Variants in ZNF292 observed in about 807,000 individuals in gnomAD.
ZNF292 encodes zinc finger protein 292, also known as 16 zinc-finger domain protein.
ZNF292 carries 26 observed loss-of-function variants against 217.9 expected under a neutral mutation model. The ratio of observed to expected loss-of-function variants is 0.12; its 90% CI spans 0.09 to 0.17. The LOEUF (loss-of-function observed/expected upper bound fraction) is 0.17. ZNF292 is among the 10% of genes least tolerant of loss of function. ZNF292 has a pLI of 1.00. For missense variants in ZNF292, 2,904 were observed against 3,175.2 expected (o/e 0.91, Z 2.05); for synonymous variants, 1,257 against 1,124.1 (o/e 1.12, Z -2.37).
Position 87,261,849 on chromosome 6 carries a change from G to A in ZNF292, c.*48G>A, listed in dbSNP as rs2127878500. On this transcript the variant is annotated 3_prime_UTR_variant, in exon 8 of 8. Coordinates refer to ENST00000369577, the MANE Select transcript of ZNF292 (RefSeq NM_015021.3). ...TCATTTACCATTTTATTTTAAATAG[G>A]AAGCCATCAAGCATGCTAGAATTGT... is the stretch of plus-strand genomic sequence containing the variant. 1 of 1,285,494 alleles carries A rather than the reference G, an allele frequency of 7.8e-7. No individual in the cohort carries two copies. The highest frequency in any genetic ancestry group is 1.0e-6 in the Non-Finnish European group (1 of 957,176). The allele number at this position is 1,285,494 out of a possible 1,614,324, so 79.6% of individuals were successfully genotyped here. A position where few individuals can be genotyped will look rare whatever the true frequency, so the allele number is the denominator to read the frequency against.
chr6:87,257,778 T>C lies in ZNF292; in HGVS notation c.4149T>C (p.Ala1383=). The C allele has an allele frequency of 1.2e-6, 2 of 1,613,820 alleles. No individual in the cohort carries two copies. The highest frequency in any genetic ancestry group is 8.5e-7 in the Non-Finnish European group (1 of 1,179,804). Residue 1383 remains alanine, a synonymous_variant, in exon 8 of 8, where the codon GCT becomes GCC. Coordinates refer to ENST00000369577, the MANE Select transcript of ZNF292 (RefSeq NM_015021.3). ...GKFICSRCYR[A]FTNPRSLGGH... Reference sequence around the variant, plus strand: ...TTATCTGTAGCAGGTGTTACAGGGCTTTTACTAATCCCAGATCACTGGGTG... The same window carrying C: ...TTATCTGTAGCAGGTGTTACAGGGCCTTTACTAATCCCAGATCACTGGGTG...
rs977730424 is a variant in ZNF292, at chr6:87,190,451, T to G, written c.169-25452T>G. Among the ~76,000 whole-genome samples the G allele has an allele frequency of 5.3e-5, 8 of 152,114 alleles. 1 individual carries two copies. Among genetic ancestry groups the G allele is most frequent in the Non-Finnish European group, 1.0e-4 (7 of 68,006 alleles). On this transcript the variant is annotated intron_variant, in intron 1 of 7. Transcript: ENST00000369577. ...TTAGGCCAGTGAATATGTATTTTCA[T>G]TTTTTATTTTATACTTTTATTTATT...
At chr6:87,195,776 T>G (rs1771937824) in intron 1 of ZNF292, among the ~76,000 whole-genome samples, 1 of 152,062 alleles carries the variant, frequency 6.6e-6, no homozygotes. Flanking sequence ...ATCTGTAATT[T>G]TAGCCCTTTG....
chr6:87,220,611 C>G (rs921199962), intron 4 of ZNF292, among the ~76,000 whole-genome samples: 1 of 152,130 alleles, frequency 6.6e-6, no homozygotes, highest in African/African-American at 2.4e-5. Flanking sequence ...AGCATTTTGC[C>G]AAATTCACAT....
chr6:87,248,998 A>C (rs549597098), intron 7 of ZNF292, among the ~76,000 whole-genome samples: 1 of 152,326 alleles, frequency 6.6e-6, no homozygotes, highest in South Asian at 2.1e-4. Flanking sequence ...TGTTATCACT[A>C]ATAGTTCTGT....
chr6:87,199,900 C>T (rs753107183), intron 1 of ZNF292, among the ~76,000 whole-genome samples: 48 of 152,060 alleles, frequency 3.2e-4, no homozygotes, highest in Non-Finnish European at 1.3e-4. Context: ...GCTGGGTTTC[C>T]TACCATTGTA....
intron 7 of ZNF292, among the ~76,000 whole-genome samples, chr6:87,248,602 A>ATTTC (rs1456110457): frequency 2.6e-5 from 4 of 152,172 alleles, no homozygotes. Flanking sequence ...AAAAACCTGA[A>ATTTC]AGGGGCCAAT....
intron 3 of ZNF292, among the ~76,000 whole-genome samples, chr6:87,217,710 TAAAG>T (rs1271609508): frequency 1.3e-5 from 2 of 152,116 alleles, no homozygotes; most frequent in African/African-American, 2.4e-5. Context: ...TTCAGTTACT[TAAAG>T]AAAACTTAGT....
At position 87,255,804 on chromosome 6, in the gene ZNF292, G is replaced by T. The variant is rs199650035; in HGVS notation, c.2175G>T (p.Gln725His). Residue 725 changes from glutamine (Q) to histidine (H), a missense_variant, in exon 8 of 8, where the codon CAG becomes CAT. Physicochemically the swap from Gln to His is conservative, Grantham distance 24. This residue lies in a region of ZNF292 where 216 missense variants were observed against 308.3 expected (regional missense o/e 0.70). Transcript: ENST00000369577. ...TGCAGAGCAAAAAAGTTATTTGCCA[G>T]TACTGTAGGCGGCATTTTGTGAGTG... The part of the protein sequence containing the change: ...LEMQSKKVIC[Q>H]YCRRHFVSVT... The T allele has an allele frequency of 6.2e-7, 1 of 1,613,830 alleles. No homozygotes were observed. The highest frequency in any genetic ancestry group is 8.5e-7 in the Non-Finnish European group (1 of 1,179,850).
intron 1 of ZNF292, among the ~76,000 whole-genome samples, chr6:87,200,372 T>C (rs1361612685): frequency 6.6e-6 from 1 of 152,208 alleles, no homozygotes; most frequent in Admixed American, 6.5e-5. Context: ...TCAGAGTGTT[T>C]TATACGGAGA....
chr6:87,205,591 A>C (rs780735558), intron 1 of ZNF292, among the ~76,000 whole-genome samples: 1 of 152,110 alleles, frequency 6.6e-6, no homozygotes, highest in Non-Finnish European at 1.5e-5. Flanking sequence ...TATTTCAAAT[A>C]ATATTATTCA....
chr6:87,178,295 A>G (rs932210380), intron 1 of ZNF292, among the ~76,000 whole-genome samples: 1 of 152,206 alleles, frequency 6.6e-6, no homozygotes, highest in Non-Finnish European at 1.5e-5. Context: ...ATTGTAAGTA[A>G]TTAAATCTTG....
chr6:87,243,664 A>G, intron 6 of ZNF292, 53 bp downstream of exon 6: 1 of 1,387,608 alleles, frequency 7.2e-7, no homozygotes. Context: ...AGAATGCAAA[A>G]TAGGCTGTGA....
chr6:87,201,418 C>G (rs2147918), intron 1 of ZNF292, among the ~76,000 whole-genome samples: 81,393 of 151,912 alleles, frequency 0.54, 22,218 homozygotes, highest in Admixed American at 0.62. Flanking sequence ...TTATTTTTTT[C>G]TTTGTAACGG....
chr6:87,181,577 G>T (rs73751992), intron 1 of ZNF292, among the ~76,000 whole-genome samples: 1 of 152,114 alleles, frequency 6.6e-6, no homozygotes, highest in Non-Finnish European at 1.5e-5. Flanking sequence ...AGACTTGAGT[G>T]TGGGGCATTT....
chr6:87,253,970 A>G (rs3857487), intron 7 of ZNF292, among the ~76,000 whole-genome samples: 7,073 of 152,346 alleles, frequency 0.046, 215 homozygotes, highest in Non-Finnish European at 0.07. Flanking sequence ...CTAATTCAAA[A>G]GAAAAAGTTT....
At chr6:87,180,685 A>G (rs1771446392) in intron 1 of ZNF292, among the ~76,000 whole-genome samples, 1 of 85,214 alleles carries the variant, frequency 1.2e-5, no homozygotes. Flanking sequence ...AGCCCCAGCA[A>G]CCACAGGGAG....
intron 1 of ZNF292, among the ~76,000 whole-genome samples, chr6:87,212,206 G>A (rs1230823414): frequency 6.6e-6 from 1 of 152,152 alleles, no homozygotes; most frequent in Non-Finnish European, 1.5e-5. Flanking sequence ...AGATCTGAAA[G>A]GGTTCCAAGC....
Position 87,258,244 on chromosome 6 carries a change from A to G in ZNF292, c.4615A>G (p.Thr1539Ala), listed in dbSNP as rs373223319. 4 of 1,612,738 alleles carry G rather than the reference A, an allele frequency of 2.5e-6. No individual in the cohort carries two copies. Among genetic ancestry groups the G allele is most frequent in the Middle Eastern group, 1.6e-4 (1 of 6,082 alleles). The change falls in exon 8 of 8, where the codon ACT (threonine) becomes GCT (alanine). Residue 1539 changes from threonine (T) to alanine (A), a missense_variant. This residue lies in a region of ZNF292 where 622 missense variants were observed against 573.1 expected (regional missense o/e 1.09). Coordinates refer to ENST00000369577, the MANE Select transcript of ZNF292 (RefSeq NM_015021.3). ...TCCAACTGTACCACCCCTGTTGCAC[A>G]CTGTATGCCATCCAAACACCTTGCT... is the stretch of plus-strand genomic sequence containing the variant. ...PNPTVPPLLHTVCHPNTLLTN... is the reference protein window; with the variant it reads ...PNPTVPPLLHAVCHPNTLLTN...
Sources: gnomAD v4.1 joint callset for allele counts (sites outside exome capture counted in the v4.1 genomes callset) on GRCh38, gnomAD v4.1.1 for gene constraint, gnomAD v4.1.1 regional missense constraint, MANE v1.5 for transcripts, NCBI Gene and HGNC (gene_info 2026-07-23, HGNC 2026-07-21) for gene names.